The following CEP152 variants were observed in gnomAD, a reference collection of about 807,000 sequenced individuals.
CEP152 encodes centrosomal protein 152.
A neutral mutation model predicts 188.9 loss-of-function variants in CEP152; 132 were observed. The observed-to-expected ratio is 0.70, with a 90% CI of 0.61 to 0.81. The LOEUF is 0.81. Ranked by LOEUF, CEP152 falls within the 30% of genes least tolerant of loss-of-function variation. The pLI, the probability that CEP152 is intolerant of heterozygous loss-of-function variation, is 0.00. For synonymous variants in CEP152, 649 were observed against 666.6 expected (o/e 0.97, Z 0.41); for missense variants, 1,914 against 1,969.8 (o/e 0.97, Z 0.54).
intron 2 of CEP152, among the ~76,000 whole-genome samples, chr15:48,731,362 C>T (rs990675222): frequency 1.3e-5 from 2 of 152,094 alleles, no homozygotes; most frequent in Non-Finnish European, 2.9e-5. Flanking sequence ...GACAATGACT[C>T]AACAGGGAAT....
chr15:48,808,645 A>ATGTTT (rs1462511772), intron 1 of CEP152, among the ~76,000 whole-genome samples: 1 of 152,134 alleles, frequency 6.6e-6, no homozygotes, highest in East Asian at 1.9e-4. Context: ...AAAACAAACA[A>ATGTTT]ACAAAAAAAA....
rs557431095 is a variant in CEP152, at chr15:48,802,358, A to G, written c.87+3205T>C. ...TGCCCTCCAGTTAGTTAGGAGAAAC[A>G]TAAGTAATGTGTGACAATTAATTGA... On this transcript the variant is annotated intron_variant, in intron 2 of 26. Transcript: ENST00000380950. 1.6e-3 allele frequency among the ~76,000 whole-genome samples: 240 copies of G among 152,302 alleles called. 1 individual carries two copies. Among genetic ancestry groups the G allele is most frequent in the African/African-American group, 5.5e-3 (227 of 41,568 alleles).
chr15:48,796,454 C>A (rs1437634871), intron 5 of CEP152, among the ~76,000 whole-genome samples: 1 of 151,968 alleles, frequency 6.6e-6, no homozygotes, highest in Non-Finnish European at 1.5e-5. Context: ...ATAAATAAAA[C>A]CCAAGAATTC....
chr15:48,806,994 T>C (rs1051021844), intron 1 of CEP152, among the ~76,000 whole-genome samples: 9 of 152,200 alleles, frequency 5.9e-5, no homozygotes, highest in African/African-American at 2.2e-4. Flanking sequence ...AGTTTTTGTT[T>C]TTCAAAGACT....
rs747436177 is a variant in CEP152, at chr15:48,787,163, G to GTTTTTTTTTTTTTTTTTTTT, written c.1173+1637_1173+1638insAAAAAAAAAAAAAAAAAAAA. ...TTTTCAATAATTTGGTATAGCCTTC[G>GTTTTTTTTTTTTTTTTTTTT]TTTTTTTTTTTTTTTTTTTCTGGAA... On this transcript the variant is annotated intron_variant, in intron 9 of 26. Coordinates refer to ENST00000380950, the MANE Select transcript of CEP152 (RefSeq NM_001194998.2). 4.9e-5 allele frequency among the ~76,000 whole-genome samples: 5 copies of GTTTTTTTTTTTTTTTTTTTT among 101,500 alleles called. 1 individual carries two copies. The highest frequency in any genetic ancestry group is 9.4e-5 in the Non-Finnish European group (5 of 53,418). 66.6% of individuals were successfully genotyped at this position (101,500 alleles called of 152,430 possible). A position where few individuals can be genotyped will look rare whatever the true frequency, so the allele number is the denominator to read the frequency against.
At position 48,752,375 on chromosome 15, in the gene CEP152, G is replaced by T; in HGVS notation, c.3440C>A (p.Ala1147Asp). The T allele has an allele frequency of 1.2e-6, 2 of 1,614,022 alleles. No individual in the cohort carries two copies. The highest frequency in any genetic ancestry group is 4.5e-5 in the East Asian group (2 of 44,876). Reference protein sequence around the residue: ...PAAGHHAQPLALQATEAEADK... With the variant: ...PAAGHHAQPLDLQATEAEADK... ...AGCTTCTGCTTCTGTTGCTTGTAAGGCCAAGGGCTGAGCATGGTGTCCAGC... is the reference window on the plus strand; with the variant it reads ...AGCTTCTGCTTCTGTTGCTTGTAAGTCCAAGGGCTGAGCATGGTGTCCAGC... Residue 1147 changes from alanine (A) to aspartate (D), a missense_variant, in exon 21 of 27, where the codon GCC becomes GAC. Transcript: ENST00000380950.
Position 48,783,878 on chromosome 15 carries a change from C to A in CEP152, c.1321+95G>T, listed in dbSNP as rs1896443296. The A allele has an allele frequency of 4.1e-6, 5 of 1,228,488 alleles. No individual in the cohort carries two copies. In the East Asian group the frequency reaches 7.4e-5, roughly 18 times the overall value. 76.1% of individuals were successfully genotyped at this position (1,228,488 alleles called of 1,614,324 possible). On this transcript the variant is annotated intron_variant, in intron 10 of 26. Transcript: ENST00000380950. ...ATTTATTGCTGATTGTGTTTTCTGT[C>A]CCTTCTGGATTTTTACAAGTCATGG... is the stretch of plus-strand genomic sequence containing the variant.
In CEP152 at chr15:48,768,201, C is replaced by G. The variant is rs1566999421; in HGVS notation, c.2018+18G>C. The G allele has an allele frequency of 2.1e-6, 3 of 1,431,212 alleles. No homozygotes were observed. Among genetic ancestry groups the G allele is most frequent in the South Asian group, 1.1e-5 (1 of 87,232 alleles). 88.7% of individuals were successfully genotyped at this position (1,431,212 alleles called of 1,614,324 possible). Reference sequence around the variant, plus strand: ...GGGTACCCAGGAGACAGTCGTCAGGCATCTATATAGACCTTACCTATCCAC... The same window carrying G: ...GGGTACCCAGGAGACAGTCGTCAGGGATCTATATAGACCTTACCTATCCAC... On this transcript the variant is annotated intron_variant, in intron 15 of 26. Coordinates refer to ENST00000380950, the MANE Select transcript of CEP152 (RefSeq NM_001194998.2).
At chr15:48,745,758 T>C (rs1380866249) in intron 22 of CEP152, among the ~76,000 whole-genome samples, 1 of 152,180 alleles carries the variant, frequency 6.6e-6, no homozygotes, top group East Asian at 1.9e-4. Context: ...GGAAAACACA[T>C]GAATTTCAGA....
At chr15:48,737,932 C>A (rs991091923), downstream of CEP152, 2 of 218,204 alleles carry the variant, frequency 9.2e-6, no homozygotes, top group Non-Finnish European at 1.8e-5. Context: ...TAATTCATAA[C>A]AATTCTACAG....
chr15:48,789,266 A>AGC, intron 8 of CEP152: 1 of 498,812 alleles, frequency 2.0e-6, no homozygotes, highest in Admixed American at 3.2e-5. Context: ...GATTTTGCGC[A>AGC]GCATGATGGA....
chr15:48,756,370 A>G lies in CEP152; in HGVS notation c.2878T>C (p.Trp960Arg), dbSNP rs201342438. The change falls in exon 20 of 27, where the codon TGG becomes CGG. Residue 960 changes from tryptophan to arginine, a missense_variant. Coordinates refer to ENST00000380950, the MANE Select transcript of CEP152 (RefSeq NM_001194998.2). ...RAELAKARSE[W>R]NKEKQEEIHR... ...ATTTCTTCTTGCTTTTCTTTGTTCC[A>G]TTCACTCCGAGCCTTAGCTAACTCA... 3.7e-3 allele frequency: 5,813 copies of G among 1,591,736 alleles called. 14 individuals carry two copies. The highest frequency in any genetic ancestry group is 4.3e-3 in the Non-Finnish European group (5,048 of 1,170,834).
chr15:48,776,841 T>C (rs963267921), intron 12 of CEP152, among the ~76,000 whole-genome samples: 1 of 152,114 alleles, frequency 6.6e-6, no homozygotes. Context: ...TGGTGACTTC[T>C]ATTTTCTTCT....
chr15:48,742,328 T>C (rs1893040531), intron 24 of CEP152, among the ~76,000 whole-genome samples: 1 of 152,180 alleles, frequency 6.6e-6, no homozygotes, highest in Non-Finnish European at 1.5e-5. Context: ...CAGCTACATA[T>C]AGTAAGGAAA....
chr15:48,780,358 T>C (rs1351595022), intron 12 of CEP152, among the ~76,000 whole-genome samples: 1 of 152,322 alleles, frequency 6.6e-6, no homozygotes, highest in East Asian at 1.9e-4. Flanking sequence ...CTGAATCTCA[T>C]CTTACTGTTC....
At chr15:48,745,676 G>T (rs577963889) in intron 22 of CEP152, among the ~76,000 whole-genome samples, 1 of 152,052 alleles carries the variant, frequency 6.6e-6, no homozygotes, top group Non-Finnish European at 1.5e-5. Flanking sequence ...CTTCTTAAGG[G>T]TGGGGAGATT....
intron 2 of CEP152, among the ~76,000 whole-genome samples, chr15:48,800,119 C>T (rs75783149): frequency 0.035 from 5,338 of 152,098 alleles, 110 homozygotes; most frequent in Middle Eastern, 0.065. Context: ...CTTTGTGACA[C>T]CACAAAATTG....
intron 20 of CEP152, among the ~76,000 whole-genome samples, chr15:48,754,530 A>G (rs1894117285): frequency 6.6e-6 from 1 of 152,136 alleles, no homozygotes; most frequent in South Asian, 2.1e-4. Flanking sequence ...TTTCTCCAAA[A>G]AATCTCAATT....
intron 1 of CEP152, among the ~76,000 whole-genome samples, chr15:48,806,188 G>T (rs909591425): frequency 6.6e-6 from 1 of 152,048 alleles, no homozygotes; most frequent in Admixed American, 6.5e-5. Flanking sequence ...CAAAATATAA[G>T]TCTTAAATGT....
Sources: allele counts gnomAD v4.1 joint callset (sites outside exome capture counted in the v4.1 genomes callset), GRCh38; gene constraint gnomAD v4.1.1; transcripts MANE v1.5; gene names NCBI Gene and HGNC (gene_info 2026-07-23, HGNC 2026-07-21).